The following LRRIQ1 variants were observed in gnomAD, a reference collection of about 807,000 sequenced individuals.
LRRIQ1 encodes the protein leucine-rich repeat- and IQ domain-containing protein 1.
A neutral mutation model predicts 211.9 loss-of-function variants in LRRIQ1; 210 were observed. The observed-to-expected ratio is 0.99, with a 90% CI of 0.89 to 1.11. LRRIQ1 has a LOEUF of 1.11. LRRIQ1 is among the 50% of genes most tolerant of loss of function. LRRIQ1 has a pLI of 0.00. For synonymous variants in LRRIQ1, 699 were observed against 650.1 expected (o/e 1.08, Z -1.14); for missense variants, 2,136 against 1,939.5 (o/e 1.10, Z -1.90).
intron 24 of LRRIQ1, among the ~76,000 whole-genome samples, chr12:85,225,467 T>A (rs1894606486): frequency 6.8e-6 from 1 of 147,894 alleles, no homozygotes. Flanking sequence ...TTTCTTTGAC[T>A]TTTTACTTTC....
chr12:85,043,805 G>A (rs916056076), intron 3 of LRRIQ1, among the ~76,000 whole-genome samples: 4 of 152,050 alleles, frequency 2.6e-5, no homozygotes, highest in East Asian at 1.9e-4. Context: ...CTATACTTAA[G>A]AAGTTCAGAG....
At chr12:85,092,923 G>T (rs1289443238) in intron 11 of LRRIQ1, among the ~76,000 whole-genome samples, 1 of 152,186 alleles carries the variant, frequency 6.6e-6, no homozygotes, top group African/African-American at 2.4e-5. Flanking sequence ...AGAGGCTGCA[G>T]TTTAAAAGAT....
At chr12:85,111,409 A>C (rs184648407) in intron 15 of LRRIQ1, among the ~76,000 whole-genome samples, 84 of 152,214 alleles carry the variant, frequency 5.5e-4, no homozygotes, top group South Asian at 2.1e-3. Context: ...AGAACAAGGC[A>C]GTCATCACTT....
At chr12:85,209,741 T>C (rs1189691899) in intron 24 of LRRIQ1, among the ~76,000 whole-genome samples, 1 of 152,048 alleles carries the variant, frequency 6.6e-6, no homozygotes, top group African/African-American at 2.4e-5. Context: ...TGAGATGCTA[T>C]TTCTTGAGCA....
intron 24 of LRRIQ1, among the ~76,000 whole-genome samples, chr12:85,184,049 A>G (rs1892114097): frequency 6.6e-6 from 1 of 152,182 alleles, no homozygotes; most frequent in African/African-American, 2.4e-5. Flanking sequence ...TGGTGACCTG[A>G]TAACTATTTC....
At chr12:85,200,430 C>T (rs1031592013) in intron 24 of LRRIQ1, among the ~76,000 whole-genome samples, 1 of 152,096 alleles carries the variant, frequency 6.6e-6, no homozygotes, top group Non-Finnish European at 1.5e-5. Flanking sequence ...CAAATCTCTT[C>T]CTATTTTGAT....
chr12:85,059,686 T>TG (rs1323323865), intron 8 of LRRIQ1, among the ~76,000 whole-genome samples: 5 of 151,786 alleles, frequency 3.3e-5, no homozygotes, highest in Admixed American at 6.6e-5. Context: ...GATGGATGAG[T>TG]GGGGGGATGA....
chr12:85,070,161 T>A (rs1882931245), intron 10 of LRRIQ1, among the ~76,000 whole-genome samples: 1 of 152,008 alleles, frequency 6.6e-6, no homozygotes, highest in East Asian at 1.9e-4. Flanking sequence ...TAAGCTGCTT[T>A]GGCGGGAATT....
intron 24 of LRRIQ1, among the ~76,000 whole-genome samples, chr12:85,197,852 A>T (rs1438635593): frequency 1.5e-5 from 2 of 135,750 alleles, no homozygotes; most frequent in African/African-American, 5.5e-5. Flanking sequence ...TATATTTATT[A>T]TAAATATAAT....
chr12:85,251,414 T>G (rs1895940811), intron 1 of LRRIQ1, among the ~76,000 whole-genome samples: 1 of 151,878 alleles, frequency 6.6e-6, no homozygotes, highest in Non-Finnish European at 1.5e-5. Flanking sequence ...AATTATGAGG[T>G]AAAGAGTAGT....
At chr12:85,105,237 G>T (rs1437271853) in intron 14 of LRRIQ1, among the ~76,000 whole-genome samples, 1 of 151,648 alleles carries the variant, frequency 6.6e-6, no homozygotes, top group Non-Finnish European at 1.5e-5. Flanking sequence ...CGTTATTTTT[G>T]TGTGTCCTTT....
Position 85,104,561 on chromosome 12 carries a change from C to A in LRRIQ1, c.3283+484C>A, listed in dbSNP as rs12313798. Reference sequence around the variant, plus strand: ...ATTAATTGGATCAAACAGTACATTCCTTTTTTTCTACAACTTTCTTTGTGT... The same window carrying A: ...ATTAATTGGATCAAACAGTACATTCATTTTTTTCTACAACTTTCTTTGTGT... On this transcript the variant is annotated intron_variant, in intron 14 of 26. Coordinates refer to ENST00000393217, the MANE Select transcript of LRRIQ1 (RefSeq NM_001079910.2). Among the ~76,000 whole-genome samples, 589 of 151,908 alleles carry A rather than the reference C, an allele frequency of 3.9e-3. 6 individuals are homozygous for A. The highest frequency in any genetic ancestry group is 0.013 in the African/African-American group (551 of 41,478).
At chr12:85,072,621 G>A (rs1001555110) in intron 10 of LRRIQ1, among the ~76,000 whole-genome samples, 3 of 149,842 alleles carry the variant, frequency 2.0e-5, no homozygotes, top group Admixed American at 1.3e-4. Flanking sequence ...TATCTTTTTC[G>A]TAAATTTTAG....
intron 4 of LRRIQ1, 31 bp downstream of exon 4, chr12:85,044,840 C>G: frequency 4.9e-6 from 5 of 1,013,806 alleles, no homozygotes; most frequent in Non-Finnish European, 7.4e-6. Flanking sequence ...TTAAAATATT[C>G]ACTATTACAA....
In LRRIQ1 at chr12:85,111,971, C is replaced by G. The variant is rs11830559; in HGVS notation, c.3377+5356C>G. ...ACACACACACACACACACACACACT[C>G]TCTCTCTCAATTCTTTCATTTTGTT... On this transcript the variant is annotated intron_variant, in intron 15 of 26. Coordinates refer to ENST00000393217, the MANE Select transcript of LRRIQ1 (RefSeq NM_001079910.2). Among the ~76,000 whole-genome samples, 548 of 138,348 alleles carry G rather than the reference C, an allele frequency of 4.0e-3. 6 individuals carry two copies. Among genetic ancestry groups the G allele is most frequent in the African/African-American group, 0.013 (530 of 40,216 alleles). 90.8% of individuals were successfully genotyped at this position (138,348 alleles called of 152,430 possible).
intron 24 of LRRIQ1, among the ~76,000 whole-genome samples, chr12:85,172,904 C>T (rs894970901): frequency 2.0e-5 from 3 of 151,624 alleles, no homozygotes; most frequent in South Asian, 2.1e-4. Flanking sequence ...ATCAAGAGAT[C>T]GAGACCATCC....
intron 24 of LRRIQ1, among the ~76,000 whole-genome samples, chr12:85,228,233 G>A (rs1894765068): frequency 6.6e-6 from 1 of 152,116 alleles, no homozygotes; most frequent in Admixed American, 6.5e-5. Flanking sequence ...GAGTGAACAG[G>A]CAACCTACAG....
rs1283920136 is a variant in LRRIQ1 at position 85,177,355 on chromosome 12, A to G, written c.4822+16641A>G. Among the ~76,000 whole-genome samples, 3 of 152,086 alleles carry G rather than the reference A, an allele frequency of 2.0e-5. No homozygotes were observed. The South Asian group carries it at 6.2e-4, about 31-fold the overall frequency. On this transcript the variant is annotated intron_variant, in intron 24 of 26. Transcript: ENST00000393217. Reference sequence around the variant, plus strand: ...GGGTGAGGGGCAACATAAATACTCCATGTAAGTGTATAACACAAATGAGTA... The same window carrying G: ...GGGTGAGGGGCAACATAAATACTCCGTGTAAGTGTATAACACAAATGAGTA...
rs775732050 is a variant in LRRIQ1, at chr12:85,229,532, C to G, written c.4838C>G (p.Pro1613Arg). The G allele has an allele frequency of 1.9e-6, 3 of 1,609,896 alleles. No homozygotes were observed. The highest frequency in any genetic ancestry group is 2.5e-6 in the Non-Finnish European group (3 of 1,178,552). Residue 1613 changes from proline (P) to arginine (R), a missense_variant, in exon 25 of 27, where the codon CCT becomes CGT. Transcript: ENST00000393217. ...TCTTTCACAGGTATAGAAGAAGACC[C>G]TATCCACAAAGATACCACTGCAAAT... The part of the protein sequence containing the change: ...DGYFEGIEED[P>R]IHKDTTANEK...
Sources: gnomAD v4.1 joint callset for allele counts (sites outside exome capture counted in the v4.1 genomes callset) on GRCh38, gnomAD v4.1.1 for gene constraint, MANE v1.5 for transcripts, NCBI Gene and HGNC (gene_info 2026-07-23, HGNC 2026-07-21) for gene names.